Variants in NPAS2 observed in about 807,000 individuals in gnomAD.
The protein encoded by NPAS2 is neuronal PAS domain-containing protein 2.
A neutral mutation model predicts 107.5 loss-of-function variants in NPAS2; 23 were observed. The observed-to-expected ratio is 0.21, with a 90% confidence interval of 0.15 to 0.30. The LOEUF is 0.30. Ranked by LOEUF, NPAS2 falls within the 10% of genes least tolerant of loss-of-function variation. NPAS2 has a pLI of 1.00. For missense variants in NPAS2, 756 were observed against 1,043.3 expected (o/e 0.72, Z 3.79); for synonymous variants, 403 against 417.5 (o/e 0.97, Z 0.42).
intron 1 of NPAS2, among the ~76,000 whole-genome samples, chr2:100,836,191 G>C (rs945811280): frequency 6.6e-6 from 1 of 152,126 alleles, no homozygotes; most frequent in Non-Finnish European, 1.5e-5. Flanking sequence ...AGCAAAATCT[G>C]AACATAAACA....
At chr2:100,859,415 C>T (rs116536705) in intron 1 of NPAS2, among the ~76,000 whole-genome samples, 2,203 of 152,226 alleles carry the variant, frequency 0.014, 40 homozygotes, top group Non-Finnish European at 0.018. Flanking sequence ...ACAAGTCAAA[C>T]CCAGAGCTCA....
chr2:100,828,827 T>C (rs1456566242), intron 1 of NPAS2, among the ~76,000 whole-genome samples: 1 of 152,182 alleles, frequency 6.6e-6, no homozygotes, highest in Non-Finnish European at 1.5e-5. Context: ...AGTTGGGTAA[T>C]ATGATGTCTC....
chr2:100,829,876 G>A (rs188661276), intron 1 of NPAS2, among the ~76,000 whole-genome samples: 1 of 152,288 alleles, frequency 6.6e-6, no homozygotes, highest in Non-Finnish European at 1.5e-5. Context: ...CTTGGGCATG[G>A]ACCTCTGATC....
intron 7 of NPAS2, 70 bp downstream of exon 7, chr2:100,949,550 G>C: frequency 1.1e-6 from 1 of 898,840 alleles, no homozygotes. Flanking sequence ...GGGGCATTAA[G>C]AATCGCCCAG....
chr2:100,973,883 C>T (rs1296625719), intron 12 of NPAS2, among the ~76,000 whole-genome samples: 1 of 152,170 alleles, frequency 6.6e-6, no homozygotes, highest in Non-Finnish European at 1.5e-5. Flanking sequence ...ACTATGTTGC[C>T]CAGGCTGGAG....
chr2:100,892,276 T>A (rs1681118683), intron 1 of NPAS2, among the ~76,000 whole-genome samples: 1 of 152,236 alleles, frequency 6.6e-6, no homozygotes, highest in South Asian at 2.1e-4. Context: ...GTACATTTAC[T>A]TAATAACAAA....
intron 15 of NPAS2, among the ~76,000 whole-genome samples, chr2:100,978,484 A>G (rs1677176402): frequency 6.6e-6 from 1 of 152,182 alleles, no homozygotes; most frequent in Admixed American, 6.5e-5. Context: ...AGGATCTAAA[A>G]GCCGTGAGTC....
At position 100,995,735 on chromosome 2, in the gene NPAS2, T is replaced by G; in HGVS notation, c.*153T>G. 6.5e-7 allele frequency: 1 copy of G among 1,549,610 alleles called. No homozygotes were observed. On this transcript the variant is annotated 3_prime_UTR_variant, in exon 21 of 21. Coordinates refer to ENST00000335681, the MANE Select transcript of NPAS2 (RefSeq NM_002518.4). Reference sequence around the variant, plus strand: ...TCCTGGATGGTAACCATCTCTGGAGTGCAGCGCTTGCTGCAGTGGAAATGA... The same window carrying G: ...TCCTGGATGGTAACCATCTCTGGAGGGCAGCGCTTGCTGCAGTGGAAATGA...
chr2:100,991,865 G>A (rs1053805849), intron 19 of NPAS2, among the ~76,000 whole-genome samples: 3 of 152,206 alleles, frequency 2.0e-5, no homozygotes, highest in African/African-American at 7.2e-5. Context: ...CAGGCCACGG[G>A]CCCCTTGGGC....
chr2:100,846,483 A>G (rs543363521), intron 1 of NPAS2, among the ~76,000 whole-genome samples: 4 of 152,314 alleles, frequency 2.6e-5, no homozygotes, highest in Non-Finnish European at 5.9e-5. Context: ...TGTGTGTAGG[A>G]GTTAAAAGAG....
rs373580989 is a variant in NPAS2, at chr2:100,871,623, G to C, written c.-22-33110G>C. Among the ~76,000 whole-genome samples the C allele has an allele frequency of 2.0e-5, 3 of 152,116 alleles. No homozygotes were observed. The South Asian group carries it at 6.2e-4, about 32-fold the overall frequency. On this transcript the variant is annotated intron_variant, in intron 1 of 20. Transcript: ENST00000335681. ...TAGGATTACGGATGTGAGCCACCAC[G>C]CCTGGCCTGCCTACTTCTCTCTTCT...
chr2:100,993,690 T>A, intron 20 of NPAS2, 163 bp downstream of exon 20: 1 of 583,790 alleles, frequency 1.7e-6, no homozygotes, highest in Non-Finnish European at 2.8e-6. Context: ...TTTTCATGCT[T>A]AAAGTTTATG....
chr2:100,879,861 G>A (rs965183706), intron 1 of NPAS2, among the ~76,000 whole-genome samples: 1 of 152,260 alleles, frequency 6.6e-6, no homozygotes, highest in Non-Finnish European at 1.5e-5. Context: ...CAGTGGTCAG[G>A]AGAGTCAGCT....
At chr2:100,820,050 G>C (rs2104289323), upstream of NPAS2, 1 of 151,552 alleles carries the variant, frequency 6.6e-6, no homozygotes, top group East Asian at 2.0e-4. The surrounding 1 kb of genome is among the most constrained non-coding windows in gnomAD (Gnocchi z 5.6). Flanking sequence ...AGGAGGGTGG[G>C]GGTAGGAGGG....
chr2:100,962,359 G>T (rs1237158004), intron 7 of NPAS2, among the ~76,000 whole-genome samples: 2 of 152,108 alleles, frequency 1.3e-5, no homozygotes, highest in Non-Finnish European at 2.9e-5. Context: ...AGAAAATCTT[G>T]CAGATTTCAT....
intron 15 of NPAS2, among the ~76,000 whole-genome samples, chr2:100,981,270 C>T (rs1408518385): frequency 6.6e-6 from 1 of 151,976 alleles, no homozygotes; most frequent in Admixed American, 6.6e-5. Context: ...GATTGTTGGG[C>T]TAGAGATTGA....
At chr2:100,992,140 G>A (rs1043302508) in intron 19 of NPAS2, among the ~76,000 whole-genome samples, 9 of 152,258 alleles carry the variant, frequency 5.9e-5, no homozygotes, top group South Asian at 2.1e-4. Flanking sequence ...TAGGCTGGGC[G>A]CAGTGGCTCA....
chr2:100,991,534 C>T lies in NPAS2; in HGVS notation c.2111+662C>T, dbSNP rs574623170. Among the ~76,000 whole-genome samples, 71 of 152,252 alleles carry T rather than the reference C, an allele frequency of 4.7e-4. 1 individual carries two copies. Among genetic ancestry groups the T allele is most frequent in the South Asian group, 1.0e-3 (5 of 4,826 alleles). ...CAGAACTAACCAGGACAGTGCTAGC[C>T]GATCAGGCCTGGGATGCCCTCATGT... On this transcript the variant is annotated intron_variant, in intron 19 of 20. Transcript: ENST00000335681.
chr2:100,953,309 G>C (rs940459779), intron 7 of NPAS2, among the ~76,000 whole-genome samples: 6 of 150,848 alleles, frequency 4.0e-5, no homozygotes, highest in Non-Finnish European at 8.8e-5. Context: ...GGGAGGCGGA[G>C]GTTACAGTGA....
Sources: allele counts gnomAD v4.1 joint callset (sites outside exome capture counted in the v4.1 genomes callset), GRCh38; gene constraint gnomAD v4.1.1; non-coding constraint Gnocchi (gnomAD v3.1); transcripts MANE v1.5; gene names NCBI Gene and HGNC (gene_info 2026-07-23, HGNC 2026-07-21).